Variants in FAP observed in about 807,000 individuals in gnomAD.
FAP encodes the protein prolyl endopeptidase FAP.
FAP carries 110 observed loss-of-function variants against 126.5 expected under a neutral mutation model. The ratio of observed to expected loss-of-function variants is 0.87; its 90% CI spans 0.74 to 1.02. The LOEUF (loss-of-function observed/expected upper bound fraction) is 1.02, where lower values mean the gene tolerates loss of function less well. Among genes scored for constraint, FAP ranks in the 50% least tolerant of loss-of-function variants. The probability of loss-of-function intolerance (pLI) is 0.00; values close to 1 mark genes in which losing one functional copy is unlikely to be tolerated. For synonymous variants in FAP, 334 were observed against 297.3 expected (o/e 1.12, Z -1.27); for missense variants, 919 against 909.2 (o/e 1.01, Z -0.14).
In FAP at chr2:162,223,595, A is replaced by AG; in HGVS notation, c.413+12dup. On this transcript the variant is annotated intron_variant, in intron 6 of 25. Transcript: ENST00000188790. Reference sequence around the variant, plus strand: ...TTAGATTTAAGTAGTATTAATAAACAGAGGTGATTTACCCATTGCTAAGGT... The same window carrying AG: ...TTAGATTTAAGTAGTATTAATAAACAGGAGGTGATTTACCCATTGCTAAGGT... The AG allele has an allele frequency of 6.6e-7, 1 of 1,513,582 alleles. No individual in the cohort carries two copies. The highest frequency in any genetic ancestry group is 2.3e-5 in the East Asian group (1 of 44,298). 93.8% of individuals were successfully genotyped at this position (1,513,582 alleles called of 1,614,324 possible).
intron 2 of FAP, among the ~76,000 whole-genome samples, chr2:162,238,248 ACTGT>A (rs1201496587): frequency 1.3e-5 from 2 of 151,804 alleles, no homozygotes; most frequent in African/African-American, 4.8e-5. Flanking sequence ...GCTCAGTTTG[ACTGT>A]CTGTGGTTCT....
chr2:162,236,165 G>T (rs1014294993), intron 2 of FAP, among the ~76,000 whole-genome samples: 2 of 152,042 alleles, frequency 1.3e-5, no homozygotes, highest in Non-Finnish European at 2.9e-5. Context: ...ATTTGTCATG[G>T]TGTGTAATCC....
At chr2:162,176,717 G>A (rs1443166417) in intron 21 of FAP, 1 of 152,106 alleles carries the variant, frequency 6.6e-6, no homozygotes, top group African/African-American at 2.4e-5. Flanking sequence ...TTTACTGCAA[G>A]TAAAAATACT....
At chr2:162,185,953 C>T (rs932139824) in intron 20 of FAP, among the ~76,000 whole-genome samples, 1 of 152,044 alleles carries the variant, frequency 6.6e-6, no homozygotes, top group African/African-American at 2.4e-5. Context: ...TTCACAGTTG[C>T]ATAAGAACAA....
chr2:162,221,455 G>A (rs551572569), intron 6 of FAP: 6 of 284,324 alleles, frequency 2.1e-5, no homozygotes, highest in South Asian at 1.2e-4. Context: ...AACCCGGGAG[G>A]AGGAGGTTGC....
At chr2:162,177,732 C>T (rs575064701) in intron 21 of FAP, among the ~76,000 whole-genome samples, 1 of 152,250 alleles carries the variant, frequency 6.6e-6, no homozygotes, top group East Asian at 1.9e-4. Context: ...TTGTCTTTCT[C>T]TCCAACCATT....
intron 16 of FAP, among the ~76,000 whole-genome samples, chr2:162,196,518 C>A (rs796921165): frequency 7.8e-6 from 1 of 127,746 alleles, no homozygotes; most frequent in East Asian, 2.2e-4. Flanking sequence ...ACTTGCATAT[C>A]TTTTTTTTTT....
chr2:162,197,809 C>T (rs1688315103), intron 16 of FAP: 5 of 350,108 alleles, frequency 1.4e-5, no homozygotes, highest in South Asian at 1.1e-4. Flanking sequence ...ACCAGGGGAG[C>T]TGATACCAAA....
chr2:162,180,582 G>A (rs928964323), intron 21 of FAP, among the ~76,000 whole-genome samples: 1 of 152,176 alleles, frequency 6.6e-6, no homozygotes, highest in Non-Finnish European at 1.5e-5. Flanking sequence ...TAGGGATGAT[G>A]AGAACAGACT....
rs1689069661 is a variant in FAP at position 162,214,079 on chromosome 2, A to T, written c.867-6T>A. The T allele has an allele frequency of 2.5e-6, 4 of 1,613,108 alleles. No homozygotes were observed. The Admixed American group carries it at 6.7e-5, about 27-fold the overall frequency. On this transcript the variant is annotated splice_region_variant and splice_polypyrimidine_tract_variant and intron_variant, in intron 10 of 25. Transcript: ENST00000188790. Reference sequence around the variant, plus strand: ...GCCAACTGAAATAATAATCACTGCAAATAAAATAGAAACAGGTAGTCACAA... The same window carrying T: ...GCCAACTGAAATAATAATCACTGCATATAAAATAGAAACAGGTAGTCACAA...
intron 11 of FAP, among the ~76,000 whole-genome samples, chr2:162,210,708 G>T (rs2106261524): frequency 6.6e-6 from 1 of 152,238 alleles, no homozygotes; most frequent in East Asian, 1.9e-4. Flanking sequence ...TCACAATTTG[G>T]AACATATAAT....
chr2:162,191,488 C>G (rs1008667782), intron 17 of FAP, among the ~76,000 whole-genome samples: 1 of 151,990 alleles, frequency 6.6e-6, no homozygotes, highest in Admixed American at 6.6e-5. Flanking sequence ...CAGGTCAGAC[C>G]ACACATTTTA....
chr2:162,194,990 A>G (rs975018834), intron 16 of FAP: 36 of 527,202 alleles, frequency 6.8e-5, no homozygotes, highest in Admixed American at 6.3e-5. Flanking sequence ...CTTTTCCAAG[A>G]CTAATCCTGA....
chr2:162,199,763 C>A (rs1051733790), intron 15 of FAP, among the ~76,000 whole-genome samples: 9 of 152,180 alleles, frequency 5.9e-5, no homozygotes, highest in South Asian at 2.1e-4. Context: ...GAGAGTGATT[C>A]TTTTTAACAC....
At chr2:162,242,634 A>T (rs1690398531) in intron 2 of FAP, among the ~76,000 whole-genome samples, 1 of 152,044 alleles carries the variant, frequency 6.6e-6, no homozygotes, top group African/African-American at 2.4e-5. Flanking sequence ...TATTTAGCAT[A>T]TATTTTTGGG....
At chr2:162,179,812 A>ATTTTT (rs1206502227) in intron 21 of FAP, among the ~76,000 whole-genome samples, 201 of 90,542 alleles carry the variant, frequency 2.2e-3, no homozygotes, top group African/African-American at 6.8e-3. Context: ...ATATATATAT[A>ATTTTT]TTTTTTTTTT....
intron 8 of FAP, among the ~76,000 whole-genome samples, 155 bp from the exon 9 acceptor site, chr2:162,218,295 A>T (rs1021908348): frequency 3.9e-5 from 6 of 152,182 alleles, no homozygotes; most frequent in Non-Finnish European, 8.8e-5. Flanking sequence ...ACATAATCTG[A>T]GTTAAGAGGA....
intron 25 of FAP, 142 bp downstream of exon 25, chr2:162,172,669 C>G (rs1016328482): frequency 1.2e-5 from 7 of 599,274 alleles, no homozygotes; most frequent in Admixed American, 8.5e-5. Context: ...ATCCAAGATT[C>G]ATTTGCTAAT....
At chr2:162,222,548 A>G (rs770524301) in intron 6 of FAP, among the ~76,000 whole-genome samples, 28 of 152,192 alleles carry the variant, frequency 1.8e-4, no homozygotes, top group Non-Finnish European at 3.2e-4. Context: ...ATAGACCAGA[A>G]GATTTTTTTT....
Sources: allele counts gnomAD v4.1 joint callset (sites outside exome capture counted in the v4.1 genomes callset), GRCh38; gene constraint gnomAD v4.1.1; transcripts MANE v1.5; gene names NCBI Gene and HGNC (gene_info 2026-07-23, HGNC 2026-07-21).